Variants in SUGT1 observed in about 807,000 individuals in gnomAD.
SUGT1 encodes SGT1 assembly cochaperone of MIS12 kinetochore complex.
A neutral mutation model predicts 56.1 loss-of-function variants in SUGT1; 15 were observed. The ratio of observed to expected loss-of-function variants is 0.27; its 90% confidence interval spans 0.18 to 0.41. The LOEUF (loss-of-function observed/expected upper bound fraction) is 0.41, where lower values mean the gene tolerates loss of function less well. Among genes scored for constraint, SUGT1 ranks in the 10% least tolerant of loss-of-function variants. The pLI, the probability that SUGT1 is intolerant of heterozygous loss-of-function variation, is 1.00. For missense variants in SUGT1, 347 were observed against 382.2 expected, an observed-to-expected ratio of 0.91 and a Z score of 0.77; for synonymous variants, 123 against 128.6, an observed-to-expected ratio of 0.96 and a Z score of 0.30.
At chr13:52,665,541 G>A (rs966332192) in intron 8 of SUGT1, 96 bp from the exon 9 acceptor site, 6 of 802,690 alleles carry the variant, frequency 7.5e-6, no homozygotes, top group Middle Eastern at 3.7e-4. Context: ...CTTCCTCCAG[G>A]TGGGGCTCTT....
At chr13:52,682,056 T>C (rs560564670) in intron 12 of SUGT1, among the ~76,000 whole-genome samples, 1 of 152,040 alleles carries the variant, frequency 6.6e-6, no homozygotes, top group Non-Finnish European at 1.5e-5. Flanking sequence ...AACCAAAATA[T>C]TTCATTTTGA....
At chr13:52,681,527 G>T (rs1963374039) in intron 12 of SUGT1, among the ~76,000 whole-genome samples, 1 of 152,040 alleles carries the variant, frequency 6.6e-6, no homozygotes, top group African/African-American at 2.4e-5. Context: ...TCCATTGATG[G>T]AAACATTTTG....
intron 12 of SUGT1, among the ~76,000 whole-genome samples, chr13:52,683,648 G>A (rs1963461048): frequency 1.3e-5 from 2 of 152,156 alleles, no homozygotes; most frequent in Admixed American, 1.3e-4. Context: ...AGAAGATATT[G>A]TGTATAATTG....
Position 52,689,893 on chromosome 13 carries a change from C to T in SUGT1, c.*2058C>T, listed in dbSNP as rs1171192661. ...CTCAGGCAGGGAGAATTGCTTGAACCGGGAGGCAGGGGGTGCAGTGAGCCA... is the reference window on the plus strand; with the variant it reads ...CTCAGGCAGGGAGAATTGCTTGAACTGGGAGGCAGGGGGTGCAGTGAGCCA... On this transcript the variant is annotated 3_prime_UTR_variant, in exon 13 of 13. Transcript: ENST00000310528. The T allele has an allele frequency of 2.6e-5, 4 of 151,358 alleles. No individual in the cohort carries two copies. The highest frequency in any genetic ancestry group is 5.9e-5 in the Non-Finnish European group (4 of 68,008). 9.4% of individuals were successfully genotyped at this position (151,358 alleles called of 1,614,324 possible).
Position 52,694,003 on chromosome 13 carries a change from C to A in SUGT1, c.*6168C>A, listed in dbSNP as rs1334811435. The stretch of plus-strand genomic sequence containing the variant: ...AGTAAGATATTAATAATAGAATATA[C>A]AATATACCGCAATAAAACTTATGTG... On this transcript the variant is annotated 3_prime_UTR_variant, in exon 13 of 13. Transcript: ENST00000310528. 2.6e-5 allele frequency: 4 copies of A among 152,042 alleles called. No individual in the cohort carries two copies. In the East Asian group the frequency reaches 7.7e-4, roughly 29 times the overall value. 9.4% of individuals were successfully genotyped at this position (152,042 alleles called of 1,614,324 possible).
At position 52,693,947 on chromosome 13, in the gene SUGT1, A is replaced by T. The variant is rs1007966343; in HGVS notation, c.*6112A>T. On this transcript the variant is annotated 3_prime_UTR_variant, in exon 13 of 13. Transcript: ENST00000310528. ...CTGTATGTACATTTTTTATACATGT[A>T]TACTTATGATAAAGTTTATAAATTA... 6.6e-6 allele frequency: 1 copy of T among 152,188 alleles called. No individual in the cohort carries two copies. Among genetic ancestry groups the T allele is most frequent in the Non-Finnish European group, 1.5e-5 (1 of 68,032 alleles). The allele number at this position is 152,188 out of a possible 1,614,324, so 9.4% of individuals were successfully genotyped here. A position where few individuals can be genotyped will look rare whatever the true frequency, so the allele number is the denominator to read the frequency against.
At chr13:52,653,420 T>C (rs1962009753) in intron 2 of SUGT1, among the ~76,000 whole-genome samples, 2 of 152,136 alleles carry the variant, frequency 1.3e-5, no homozygotes, top group Admixed American at 1.3e-4. Context: ...ATTAGAGAAG[T>C]GGACTCTGGG....
At chr13:52,679,790 C>T (rs1963295422) in intron 11 of SUGT1, among the ~76,000 whole-genome samples, 184 bp from the exon 12 acceptor site, 1 of 152,154 alleles carries the variant, frequency 6.6e-6, no homozygotes, top group African/African-American at 2.4e-5. Context: ...GTAACTGACT[C>T]AGTTTTTAGA....
At chr13:52,677,346 A>G (rs1301366998) in intron 11 of SUGT1, among the ~76,000 whole-genome samples, 4 of 152,146 alleles carry the variant, frequency 2.6e-5, no homozygotes, top group African/African-American at 9.7e-5. Context: ...CTGTGGTATA[A>G]TTTTCAAAAT....
chr13:52,686,037 C>T (rs905434736), intron 12 of SUGT1, among the ~76,000 whole-genome samples: 3 of 152,180 alleles, frequency 2.0e-5, no homozygotes, highest in East Asian at 1.9e-4. Flanking sequence ...AAGTGATTCT[C>T]GTGACTCAGC....
Position 52,666,911 on chromosome 13 carries a change from T to G in SUGT1, c.619T>G (p.Ser207Ala), listed in dbSNP as rs756003918. Reference sequence around the variant, plus strand: ...AGAACAGAGCACGTTTAAAGTACTTTCAACAAAGGTAAGACCATTGAAAAG... The same window carrying G: ...AGAACAGAGCACGTTTAAAGTACTTGCAACAAAGGTAAGACCATTGAAAAG... ...IPEQSTFKVL[S>A]TKIEIKLKKP... is the part of the protein sequence containing the mutation. Residue 207 changes from serine to alanine, a missense_variant, in exon 10 of 13, where the codon TCA (serine) becomes GCA (alanine). Physicochemically the swap from Ser to Ala is moderately conservative, Grantham distance 99. Coordinates refer to ENST00000310528, the MANE Select transcript of SUGT1 (RefSeq NM_006704.5). 3 of 1,608,662 alleles carry G rather than the reference T, an allele frequency of 1.9e-6. No individual in the cohort carries two copies. The African/African-American group carries it at 4.0e-5, about 22-fold the overall frequency.
chr13:52,657,070 G>A (rs1490003547), intron 2 of SUGT1, among the ~76,000 whole-genome samples: 1 of 152,160 alleles, frequency 6.6e-6, no homozygotes. Context: ...ACACTTGATT[G>A]TGTATGTATT....
In SUGT1 at chr13:52,696,711, T is replaced by TTA. The variant is rs1963944494; in HGVS notation, c.*8877_*8878dup. On this transcript the variant is annotated 3_prime_UTR_variant, in exon 13 of 13. Transcript: ENST00000310528. Reference sequence around the variant, plus strand: ...TGTTCACAGGCGTGATAATTGTGTGTTACAGCCTCAAAGTCCAGGGCTCGA... The same window carrying TTA: ...TGTTCACAGGCGTGATAATTGTGTGTTATACAGCCTCAAAGTCCAGGGCTCGA... 1 of 152,118 alleles carries TTA rather than the reference T, an allele frequency of 6.6e-6. No homozygotes were observed. Among genetic ancestry groups the TTA allele is most frequent in the Non-Finnish European group, 1.5e-5 (1 of 68,038 alleles). 9.4% of individuals were successfully genotyped at this position (152,118 alleles called of 1,614,324 possible). A position where few individuals can be genotyped will look rare whatever the true frequency, so the allele number is the denominator to read the frequency against.
rs1463226364 is a variant in SUGT1, at chr13:52,692,285, T to C, written c.*4450T>C. 6.6e-6 allele frequency: 1 copy of C among 152,212 alleles called. No homozygotes were observed. Among genetic ancestry groups the C allele is most frequent in the African/African-American group, 2.4e-5 (1 of 41,444 alleles). The allele number at this position is 152,212 out of a possible 1,614,324, so 9.4% of individuals were successfully genotyped here. A position where few individuals can be genotyped will look rare whatever the true frequency, so the allele number is the denominator to read the frequency against. On this transcript the variant is annotated 3_prime_UTR_variant, in exon 13 of 13. Transcript: ENST00000310528. ...TGAACCCAGGCCTATCAGACTCCAT[T>C]ACCCATACTTCTGACAACTGCAATC...
chr13:52,659,061 A>T, intron 4 of SUGT1, 118 bp from the exon 5 acceptor site: 1 of 724,178 alleles, frequency 1.4e-6, no homozygotes, highest in Non-Finnish European at 2.1e-6. Context: ...GTTTATTAAC[A>T]TACACTTAAA....
intron 11 of SUGT1, among the ~76,000 whole-genome samples, chr13:52,677,785 T>C (rs1417546145): frequency 1.6e-4 from 2 of 12,562 alleles, no homozygotes; most frequent in African/African-American, 3.8e-4. Context: ...GACATGAGTA[T>C]CTAGTAGTTA....
Position 52,664,018 on chromosome 13 carries a change from A to T in SUGT1, c.400-17A>T. On this transcript the variant is annotated splice_polypyrimidine_tract_variant and intron_variant, in intron 7 of 12. Coordinates refer to ENST00000310528, the MANE Select transcript of SUGT1 (RefSeq NM_006704.5). The stretch of plus-strand genomic sequence containing the variant: ...AATCTTTCTCTTTCAACTTACCAAA[A>T]TCAATCTGCATCCCAGTGGACTCAT... 1 of 1,612,636 alleles carries T rather than the reference A, an allele frequency of 6.2e-7. No individual in the cohort carries two copies. The highest frequency in any genetic ancestry group is 8.5e-7 in the Non-Finnish European group (1 of 1,179,350).
At chr13:52,672,342 G>C (rs1035953972) in intron 10 of SUGT1, among the ~76,000 whole-genome samples, 1 of 152,168 alleles carries the variant, frequency 6.6e-6, no homozygotes, top group Non-Finnish European at 1.5e-5. Flanking sequence ...CAGAGGCTGT[G>C]TCCTTATGTA....
chr13:52,677,788 A>AC (rs34734640), intron 11 of SUGT1, among the ~76,000 whole-genome samples: 1 of 152,106 alleles, frequency 6.6e-6, no homozygotes, highest in Non-Finnish European at 1.5e-5. Context: ...ATGAGTATCT[A>AC]GTAGTTATTT....
Sources: allele counts gnomAD v4.1 joint callset (sites outside exome capture counted in the v4.1 genomes callset), GRCh38; gene constraint gnomAD v4.1.1; transcripts MANE v1.5; gene names NCBI Gene and HGNC (gene_info 2026-07-23, HGNC 2026-07-21).